Variants in SHISA6 observed in about 807,000 individuals in gnomAD.
The protein encoded by SHISA6 is shisa family member 6, also known as protein shisa-6.
Under a neutral mutation model 47.9 loss-of-function variants are expected in SHISA6, and 22 were observed. The ratio of observed to expected loss-of-function variants is 0.46; its 90% CI spans 0.33 to 0.66. SHISA6 has a LOEUF of 0.66. Among genes scored for constraint, SHISA6 ranks in the 30% least tolerant of loss-of-function variants. SHISA6 has a pLI of 0.02. For synonymous variants in SHISA6, 388 were observed against 337.8 expected (o/e 1.15, Z -1.63); for missense variants, 680 against 764.6 (o/e 0.89, Z 1.30).
intron 2 of SHISA6, among the ~76,000 whole-genome samples, chr17:11,341,499 T>C (rs1201110003): frequency 8.6e-5 from 13 of 151,954 alleles, no homozygotes. Flanking sequence ...CATGCCTGGC[T>C]AATTTTTGTA....
intron 3 of SHISA6, among the ~76,000 whole-genome samples, chr17:11,485,588 C>T (rs374788317): frequency 5.9e-5 from 9 of 152,224 alleles, no homozygotes; most frequent in Middle Eastern, 3.4e-3. Context: ...TAGACGGCCA[C>T]GCGCACTGAG....
intron 3 of SHISA6, among the ~76,000 whole-genome samples, chr17:11,427,631 T>G (rs186521747): frequency 3.9e-4 from 59 of 152,252 alleles, no homozygotes; most frequent in Admixed American, 2.0e-3. Context: ...ATTAATTAAC[T>G]TAAAATATCC....
intron 3 of SHISA6, among the ~76,000 whole-genome samples, chr17:11,384,151 C>A (rs1373044263): frequency 6.6e-6 from 1 of 152,218 alleles, no homozygotes; most frequent in Non-Finnish European, 1.5e-5. Flanking sequence ...CCTAAGTCAA[C>A]ATCAAGCAGT....
At chr17:11,416,781 T>C (rs1274391429) in intron 3 of SHISA6, among the ~76,000 whole-genome samples, 1 of 152,156 alleles carries the variant, frequency 6.6e-6, no homozygotes, top group African/African-American at 2.4e-5. Context: ...AGGAAAGACA[T>C]AGTAAAACTG....
intron 3 of SHISA6, among the ~76,000 whole-genome samples, chr17:11,385,228 G>A (rs1411683933): frequency 6.6e-6 from 1 of 152,142 alleles, no homozygotes; most frequent in African/African-American, 2.4e-5. Flanking sequence ...GGATGTGAAG[G>A]ATCAGGCCGT....
At chr17:11,449,314 G>C (rs1915318051) in intron 3 of SHISA6, among the ~76,000 whole-genome samples, 1 of 152,074 alleles carries the variant, frequency 6.6e-6, no homozygotes, top group Admixed American at 6.6e-5. Context: ...GTGGTAGCAT[G>C]TGCCTGTAGT....
At chr17:11,282,543 C>T (rs1461819667) in intron 2 of SHISA6, among the ~76,000 whole-genome samples, 2 of 152,238 alleles carry the variant, frequency 1.3e-5, no homozygotes, top group Non-Finnish European at 2.9e-5. Context: ...TGCTATCCCT[C>T]CCCCAGTCCC....
intron 3 of SHISA6, among the ~76,000 whole-genome samples, chr17:11,529,675 T>C (rs1212700473): frequency 6.6e-6 from 1 of 152,174 alleles, no homozygotes; most frequent in Non-Finnish European, 1.5e-5. Context: ...AGGAAAATAC[T>C]GATAAAGTTG....
chr17:11,497,760 G>A lies in SHISA6; in HGVS notation c.896-54136G>A, dbSNP rs147607627. 1.8e-3 allele frequency among the ~76,000 whole-genome samples: 271 copies of A among 152,042 alleles called. 2 individuals are homozygous for A. Among genetic ancestry groups the A allele is most frequent in the African/African-American group, 6.0e-3 (250 of 41,466 alleles). On this transcript the variant is annotated intron_variant, in intron 3 of 5. Coordinates refer to ENST00000441885, the MANE Select transcript of SHISA6 (RefSeq NM_207386.4). ...ATTTCCATTCCTTCTGCCTCTAAGG[G>A]CTTCCTCCTGGCCTTCTCTGTCTCT... is the stretch of plus-strand genomic sequence containing the variant.
At chr17:11,355,593 A>G (rs1287137257) in intron 2 of SHISA6, among the ~76,000 whole-genome samples, 6 of 152,228 alleles carry the variant, frequency 3.9e-5, no homozygotes, top group Non-Finnish European at 8.8e-5. Context: ...ATGGCAGAAC[A>G]AAACAACTGC....
At chr17:11,308,187 G>A (rs1375133380) in intron 2 of SHISA6, among the ~76,000 whole-genome samples, 3 of 152,158 alleles carry the variant, frequency 2.0e-5, no homozygotes, top group Non-Finnish European at 4.4e-5. Flanking sequence ...CCAGAGGGAC[G>A]AACCATCTGC....
At chr17:11,517,590 C>A (rs964570686) in intron 3 of SHISA6, among the ~76,000 whole-genome samples, 1 of 152,134 alleles carries the variant, frequency 6.6e-6, no homozygotes, top group South Asian at 2.1e-4. Flanking sequence ...GCAGCCTCAA[C>A]CTCTCAGGCT....
At chr17:11,482,112 T>C (rs1916237750) in intron 3 of SHISA6, among the ~76,000 whole-genome samples, 1 of 152,028 alleles carries the variant, frequency 6.6e-6, no homozygotes, top group African/African-American at 2.4e-5. Context: ...ATATAAAGTA[T>C]AAAATAGGAT....
chr17:11,533,236 C>T (rs945495459), intron 3 of SHISA6, among the ~76,000 whole-genome samples: 7 of 152,184 alleles, frequency 4.6e-5, no homozygotes, highest in African/African-American at 1.7e-4. Flanking sequence ...CGTTACCTCC[C>T]ACTTGCATTT....
At chr17:11,441,485 G>C (rs1316342483) in intron 3 of SHISA6, among the ~76,000 whole-genome samples, 1 of 152,214 alleles carries the variant, frequency 6.6e-6, no homozygotes, top group African/African-American at 2.4e-5. Context: ...AGACACACTA[G>C]AACATATGCT....
intron 2 of SHISA6, among the ~76,000 whole-genome samples, chr17:11,279,622 A>G (rs1037935293): frequency 2.6e-5 from 4 of 152,140 alleles, no homozygotes; most frequent in Non-Finnish European, 5.9e-5. Flanking sequence ...ATAGAGTCTT[A>G]GGAAGGCTGA....
intron 3 of SHISA6, among the ~76,000 whole-genome samples, chr17:11,548,241 A>G (rs1412677796): frequency 6.6e-6 from 1 of 152,190 alleles, no homozygotes; most frequent in Non-Finnish European, 1.5e-5. Context: ...TGCCAATAGA[A>G]GGACCCCCCG....
intron 2 of SHISA6, chr17:11,288,580 T>G (rs2142166710): frequency 1.3e-5 from 2 of 152,286 alleles, no homozygotes; most frequent in Middle Eastern, 6.8e-3. Flanking sequence ...TAAAAACTAC[T>G]CATAATCTTA....
chr17:11,465,219 G>C (rs1456050389), intron 3 of SHISA6, among the ~76,000 whole-genome samples: 1 of 152,112 alleles, frequency 6.6e-6, no homozygotes, highest in Non-Finnish European at 1.5e-5. Flanking sequence ...TCCCCTCTGT[G>C]TTCTCACCTC....
Sources: allele counts gnomAD v4.1 joint callset (sites outside exome capture counted in the v4.1 genomes callset), GRCh38; gene constraint gnomAD v4.1.1; transcripts MANE v1.5; gene names NCBI Gene and HGNC (gene_info 2026-07-23, HGNC 2026-07-21).